The following METTL25 variants were observed in gnomAD, a reference collection of about 807,000 sequenced individuals.
METTL25 encodes the protein probable methyltransferase-like protein 25.
Under a neutral mutation model 71.6 loss-of-function variants are expected in METTL25, and 64 were observed. That is an observed-to-expected ratio of 0.89 (90% CI 0.73 to 1.10). The LOEUF (loss-of-function observed/expected upper bound fraction) is 1.10, where lower values mean the gene tolerates loss of function less well. Among genes scored for constraint, METTL25 ranks in the 50% least tolerant of loss-of-function variants. The pLI is 0.00. For synonymous variants in METTL25, 287 were observed against 250.3 expected (o/e 1.15, Z -1.38); for missense variants, 807 against 707.0 (o/e 1.14, Z -1.60).
At chr12:82,454,117 C>A (rs1221912389) in intron 8 of METTL25, among the ~76,000 whole-genome samples, 1 of 151,972 alleles carries the variant, frequency 6.6e-6, no homozygotes, top group African/African-American at 2.4e-5. Flanking sequence ...ATTCTCTTTC[C>A]CTTTGGATGT....
At chr12:82,463,914 C>T (rs369531491) in intron 9 of METTL25, among the ~76,000 whole-genome samples, 40 of 151,734 alleles carry the variant, frequency 2.6e-4, no homozygotes, top group African/African-American at 9.7e-4. Flanking sequence ...AGATTATTTG[C>T]CCATTTTTTC....
chr12:82,443,462 CAAAA>C (rs67737833), intron 8 of METTL25, among the ~76,000 whole-genome samples: 7 of 96,558 alleles, frequency 7.2e-5, no homozygotes, highest in Admixed American at 1.0e-4. Context: ...CAGAGGAGAC[CAAAA>C]AAAAAAAAAA....
chr12:82,386,488 T>TTCCTCCCTCCCC (rs140573321), intron 1 of METTL25, among the ~76,000 whole-genome samples: 3 of 131,300 alleles, frequency 2.3e-5, no homozygotes, highest in South Asian at 2.7e-4. Context: ...CCTCCTTTCC[T>TTCCTCCCTCCCC]TCCTCCCTCC....
intron 9 of METTL25, among the ~76,000 whole-genome samples, chr12:82,461,319 A>C (rs961718553): frequency 6.6e-5 from 10 of 152,216 alleles, no homozygotes; most frequent in Non-Finnish European, 1.2e-4. Context: ...GCTTTGTGCC[A>C]GGCACTGTGC....
intron 8 of METTL25, among the ~76,000 whole-genome samples, chr12:82,450,195 C>G (rs1192126038): frequency 6.6e-6 from 1 of 151,536 alleles, no homozygotes; most frequent in African/African-American, 2.4e-5. Context: ...TTTTTTCTGT[C>G]TATACCTACT....
Position 82,399,413 on chromosome 12 carries a change from T to A in METTL25, c.1131+19T>A. ...TTTGGAGGTGACTTTACCTTTGAAT[T>A]ATTTAATTTGATTTACAAAAACATT... On this transcript the variant is annotated intron_variant, in intron 4 of 11. Transcript: ENST00000248306. The A allele has an allele frequency of 6.6e-7, 1 of 1,520,480 alleles. No individual in the cohort carries two copies. Among genetic ancestry groups the A allele is most frequent in the Non-Finnish European group, 8.8e-7 (1 of 1,132,742 alleles). The allele number at this position is 1,520,480 out of a possible 1,614,324, so 94.2% of individuals were successfully genotyped here.
Position 82,440,264 on chromosome 12 carries a change from G to T in METTL25, c.1478+1473G>T, listed in dbSNP as rs114723177. Among the ~76,000 whole-genome samples, 563 of 151,942 alleles carry T rather than the reference G, an allele frequency of 3.7e-3. 3 individuals carry two copies. Among genetic ancestry groups the T allele is most frequent in the African/African-American group, 0.013 (538 of 41,476 alleles). On this transcript the variant is annotated intron_variant, in intron 8 of 11. Coordinates refer to ENST00000248306, the MANE Select transcript of METTL25 (RefSeq NM_032230.3). ...TTCTCTTAGGATCCTTACTACAAATGACTCTTGAAATATGTAACTAGCTCC... is the reference window on the plus strand; with the variant it reads ...TTCTCTTAGGATCCTTACTACAAATTACTCTTGAAATATGTAACTAGCTCC...
intron 5 of METTL25, among the ~76,000 whole-genome samples, chr12:82,425,339 AG>A (rs1193437432): frequency 6.6e-6 from 1 of 152,034 alleles, no homozygotes; most frequent in Admixed American, 6.6e-5. Context: ...TGAGTTTTTG[AG>A]CCTTTGTTCA....
chr12:82,387,809 A>G (rs949395140), intron 2 of METTL25, among the ~76,000 whole-genome samples: 6 of 152,064 alleles, frequency 3.9e-5, no homozygotes, highest in African/African-American at 1.4e-4. Flanking sequence ...CTGTATCTCA[A>G]AATAACAAGG....
chr12:82,373,818 C>G (rs1243280387), intron 1 of METTL25, among the ~76,000 whole-genome samples: 2 of 152,172 alleles, frequency 1.3e-5, no homozygotes, highest in Non-Finnish European at 2.9e-5. Context: ...TGTTAGAGAG[C>G]TCTTTCCCAG....
At chr12:82,404,743 G>GA (rs1886933469) in intron 5 of METTL25, among the ~76,000 whole-genome samples, 1 of 152,140 alleles carries the variant, frequency 6.6e-6, no homozygotes, top group African/African-American at 2.4e-5. Context: ...AGGAGTTCAA[G>GA]ACCAGCCTGG....
chr12:82,363,932 G>A (rs1007369464), intron 1 of METTL25, among the ~76,000 whole-genome samples: 3 of 152,114 alleles, frequency 2.0e-5, no homozygotes, highest in South Asian at 2.1e-4. Context: ...TATGTTTAAA[G>A]AGCTCCAAGA....
chr12:82,437,676 C>G (rs1890019012), intron 7 of METTL25, among the ~76,000 whole-genome samples: 1 of 151,516 alleles, frequency 6.6e-6, no homozygotes, highest in South Asian at 2.1e-4. Flanking sequence ...TTTTGGACTC[C>G]AAAGGATAAT....
At chr12:82,453,307 G>T (rs995509302) in intron 8 of METTL25, among the ~76,000 whole-genome samples, 2 of 152,202 alleles carry the variant, frequency 1.3e-5, no homozygotes, top group Non-Finnish European at 2.9e-5. Context: ...ACACTTTGGT[G>T]TGGTGTCATG....
chr12:82,436,036 A>G (rs1330053535), intron 7 of METTL25, among the ~76,000 whole-genome samples: 2 of 151,530 alleles, frequency 1.3e-5, no homozygotes. Context: ...ACTATACTGC[A>G]TATCAACTTA....
At chr12:82,457,028 T>G (rs1023091978) in intron 9 of METTL25, among the ~76,000 whole-genome samples, 1 of 152,004 alleles carries the variant, frequency 6.6e-6, no homozygotes, top group African/African-American at 2.4e-5. Flanking sequence ...TCTCCAGAGT[T>G]TCCCTCTTTT....
chr12:82,406,001 A>G (rs1019123661), intron 5 of METTL25, among the ~76,000 whole-genome samples: 3 of 152,178 alleles, frequency 2.0e-5, no homozygotes, highest in African/African-American at 7.2e-5. Flanking sequence ...AGCAGCTACT[A>G]TTTTCAAGGC....
At position 82,358,765 on chromosome 12, in the gene METTL25, C is replaced by T. The variant is rs767355719; in HGVS notation, c.200C>T (p.Ser67Leu). 1 of 1,613,486 alleles carries T rather than the reference C, an allele frequency of 6.2e-7. No individual in the cohort carries two copies. Among genetic ancestry groups the T allele is most frequent in the African/African-American group, 1.3e-5 (1 of 74,794 alleles). The change falls in exon 1 of 12, where the codon TCG becomes TTG. Residue 67 changes from serine (S) to leucine (L), a missense_variant. By Grantham distance (145) the Ser-to-Leu change is moderately radical. Coordinates refer to ENST00000248306, the MANE Select transcript of METTL25 (RefSeq NM_032230.3). ...TVLAALRKSA[S>L]ETEALPSETR... The stretch of plus-strand genomic sequence containing the variant: ...CTGGCTGCGCTGAGGAAGTCAGCGT[C>T]GGAGACGGAGGCCCTGCCCTCAGAG...
intron 1 of METTL25, among the ~76,000 whole-genome samples, chr12:82,361,639 T>C (rs187654256): frequency 2.0e-4 from 30 of 152,230 alleles, no homozygotes; most frequent in Non-Finnish European, 3.5e-4. Context: ...ACTTGGTGCA[T>C]CCTCCGCAGC....
Sources: gnomAD v4.1 joint callset for allele counts (sites outside exome capture counted in the v4.1 genomes callset) on GRCh38, gnomAD v4.1.1 for gene constraint, MANE v1.5 for transcripts, NCBI Gene and HGNC (gene_info 2026-07-23, HGNC 2026-07-21) for gene names.